The following SLC9B1 variants were observed in gnomAD, a reference collection of about 807,000 sequenced individuals.
The protein encoded by SLC9B1 is solute carrier family 9 member B1.
SLC9B1 carries 32 observed loss-of-function variants against 51.7 expected under a neutral mutation model. That is an observed-to-expected ratio of 0.62 (90% confidence interval 0.47 to 0.83). SLC9B1 has a LOEUF of 0.83. Among genes scored for constraint, SLC9B1 ranks in the 40% least tolerant of loss-of-function variants. The pLI is 0.00. For missense variants in SLC9B1, 406 were observed against 613.2 expected, an observed-to-expected ratio of 0.66 and a Z score of 3.57; for synonymous variants, 145 against 212.7, an observed-to-expected ratio of 0.68 and a Z score of 2.77.
At chr4:102,955,911 G>A (rs996687638) in intron 3 of SLC9B1, among the ~76,000 whole-genome samples, 2 of 150,718 alleles carry the variant, frequency 1.3e-5, no homozygotes, top group Non-Finnish European at 3.0e-5. Flanking sequence ...GAGAGAGAAA[G>A]ACCCACATGC....
chr4:102,997,518 T>C (rs1740288966), intron 1 of SLC9B1, among the ~76,000 whole-genome samples: 2 of 152,228 alleles, frequency 1.3e-5, no homozygotes, highest in South Asian at 4.1e-4. Flanking sequence ...CATTTCACTT[T>C]GTATCAGGCC....
intron 1 of SLC9B1, among the ~76,000 whole-genome samples, chr4:102,993,982 A>G (rs1471061008): frequency 6.6e-6 from 1 of 151,920 alleles, no homozygotes; most frequent in African/African-American, 2.4e-5. Flanking sequence ...CCACAAAGCC[A>G]TTTTTCCCTC....
In SLC9B1 at chr4:102,975,586, A is replaced by ATTTTTTTTTTT. The variant is rs1197166005; in HGVS notation, c.211+14203_211+14213dup. On this transcript the variant is annotated intron_variant, in intron 3 of 11. Transcript: ENST00000296422. ...TATACATATATATATATATATATAT[A>ATTTTTTTTTTT]TTTTTTTTTTTTTTTTTTTTTTTGA... Among the ~76,000 whole-genome samples the ATTTTTTTTTTT allele has an allele frequency of 1.9e-3, 118 of 62,302 alleles. 11 individuals carry two copies. Among genetic ancestry groups the ATTTTTTTTTTT allele is most frequent in the Admixed American group, 3.4e-3 (12 of 3,512 alleles). The allele number at this position is 62,302 out of a possible 152,430, so 40.9% of individuals were successfully genotyped here. A position where few individuals can be genotyped will look rare whatever the true frequency, so the allele number is the denominator to read the frequency against.
intron 3 of SLC9B1, among the ~76,000 whole-genome samples, chr4:102,973,403 G>A (rs1051579988): frequency 1.3e-5 from 2 of 151,944 alleles, no homozygotes; most frequent in African/African-American, 4.8e-5. Context: ...AATATATGAA[G>A]CACAAATTGA....
At chr4:102,926,182 G>T (rs796933423) in intron 7 of SLC9B1, among the ~76,000 whole-genome samples, 1 of 141,284 alleles carries the variant, frequency 7.1e-6, no homozygotes, top group South Asian at 2.3e-4. Context: ...TTTGAAAACC[G>T]GCACAAGACA....
At chr4:102,994,261 T>A (rs1740103335) in intron 1 of SLC9B1, among the ~76,000 whole-genome samples, 1 of 152,108 alleles carries the variant, frequency 6.6e-6, no homozygotes, top group South Asian at 2.1e-4. Context: ...TATCCTAAAT[T>A]ATCACTCTCA....
intron 3 of SLC9B1, among the ~76,000 whole-genome samples, chr4:102,950,752 G>T (rs1350375833): frequency 6.6e-6 from 1 of 152,178 alleles, no homozygotes; most frequent in Non-Finnish European, 1.5e-5. Flanking sequence ...CCAGCACTTT[G>T]GGAGGCTGAG....
chr4:102,975,557 T>C (rs1240087881), intron 3 of SLC9B1, among the ~76,000 whole-genome samples: 1 of 123,170 alleles, frequency 8.1e-6, no homozygotes, highest in Non-Finnish European at 1.6e-5. Flanking sequence ...CTATAATGAT[T>C]ATATATACAT....
chr4:102,909,791 A>G (rs1217989323), intron 9 of SLC9B1, among the ~76,000 whole-genome samples: 1 of 152,264 alleles, frequency 6.6e-6, no homozygotes, highest in Non-Finnish European at 1.5e-5. Flanking sequence ...ATTCTTTTAC[A>G]AGCATTTCTA....
intron 1 of SLC9B1, among the ~76,000 whole-genome samples, chr4:103,018,815 A>G (rs945379710): frequency 6.6e-6 from 1 of 152,202 alleles, no homozygotes; most frequent in Non-Finnish European, 1.5e-5. Context: ...GCAGACAGGT[A>G]CAGGTTTGTG....
Position 102,946,752 on chromosome 4 carries a change from T to C in SLC9B1, c.420A>G (p.Pro140=), listed in dbSNP as rs1246912687. The C allele has an allele frequency of 1.9e-6, 3 of 1,608,656 alleles. No homozygotes were observed. Among genetic ancestry groups the C allele is most frequent in the Non-Finnish European group, 2.5e-6 (3 of 1,178,652 alleles). The change falls in exon 5 of 12, where the codon CCA becomes CCG. Residue 140 remains proline (P), a synonymous_variant. Coordinates refer to ENST00000296422, the MANE Select transcript of SLC9B1 (RefSeq NM_139173.4). ...LLAGFTIRNV[P]FINEHVHVPN... ...GAACATGGACATGTTCATTGATGAATGGAACATTCCTAATCGTAAAACCAG... is the reference window on the plus strand; with the variant it reads ...GAACATGGACATGTTCATTGATGAACGGAACATTCCTAATCGTAAAACCAG...
At chr4:103,019,554 C>CG in intron 1 of SLC9B1, 45 bp downstream of exon 1, 1 of 983,934 alleles carries the variant, frequency 1.0e-6, no homozygotes, top group Non-Finnish European at 1.2e-6. Flanking sequence ...CCGGGACTAG[C>CG]GCCAAAGGGC....
rs531025203 is a variant in SLC9B1 at position 102,908,942 on chromosome 4, C to G, written c.1086+1497G>C. On this transcript the variant is annotated intron_variant, in intron 9 of 11. Transcript: ENST00000296422. ...AATATATGAAGAGAAGCTTACTATA[C>G]TACTAATCAGAGAAATGTAAATAAA... 2.0e-5 allele frequency among the ~76,000 whole-genome samples: 3 copies of G among 152,286 alleles called. No individual in the cohort carries two copies. In the East Asian group the frequency reaches 5.8e-4, roughly 29 times the overall value.
intron 3 of SLC9B1, among the ~76,000 whole-genome samples, chr4:102,972,052 T>C (rs1157185129): frequency 6.6e-6 from 1 of 152,214 alleles, no homozygotes; most frequent in Non-Finnish European, 1.5e-5. Flanking sequence ...AGCTGAATTC[T>C]ACCAGAGGTA....
chr4:102,990,024 T>C (rs928152896), intron 2 of SLC9B1, 83 bp from the exon 3 acceptor site: 50 of 1,075,324 alleles, frequency 4.6e-5, no homozygotes, highest in Non-Finnish European at 6.5e-5. Context: ...ATTTTAGAAT[T>C]AAATTTATAT....
At chr4:102,960,466 T>C (rs1738044242) in intron 3 of SLC9B1, among the ~76,000 whole-genome samples, 1 of 152,036 alleles carries the variant, frequency 6.6e-6, no homozygotes, top group South Asian at 2.1e-4. Context: ...TATTGAAGAA[T>C]TATTTTATAT....
At chr4:102,950,451 A>G (rs1446815527) in intron 3 of SLC9B1, among the ~76,000 whole-genome samples, 1 of 152,212 alleles carries the variant, frequency 6.6e-6, no homozygotes, top group East Asian at 1.9e-4. Context: ...AAATTTCCAT[A>G]TGCTAATTAA....
intron 6 of SLC9B1, among the ~76,000 whole-genome samples, chr4:102,933,485 C>A (rs1165302573): frequency 6.6e-6 from 1 of 151,162 alleles, no homozygotes; most frequent in Non-Finnish European, 1.5e-5. Context: ...TTTTGCTTAA[C>A]AAGTCATCCC....
intron 7 of SLC9B1, among the ~76,000 whole-genome samples, chr4:102,912,820 C>T (rs954919428): frequency 4.6e-5 from 7 of 152,058 alleles, no homozygotes; most frequent in South Asian, 2.1e-4. Flanking sequence ...TGAGGCTGCA[C>T]TCCAGCCTGG....
Sources: gnomAD v4.1 joint callset for allele counts (sites outside exome capture counted in the v4.1 genomes callset) on GRCh38, gnomAD v4.1.1 for gene constraint, MANE v1.5 for transcripts, NCBI Gene and HGNC (gene_info 2026-07-23, HGNC 2026-07-21) for gene names.